EDIL3: variants seen among roughly 807,000 people sequenced by gnomAD.
EDIL3 encodes EGF like and discoidin domains 3.
In EDIL3, 37 loss-of-function variants were observed where a neutral mutation model predicts 67.4. The observed-to-expected ratio is 0.55, with a 90% CI of 0.42 to 0.72. The LOEUF is 0.72. Among genes scored for constraint, EDIL3 ranks in the 30% least tolerant of loss-of-function variants. The probability of loss-of-function intolerance (pLI) is 0.00; values close to 1 mark genes in which losing one functional copy is unlikely to be tolerated. For synonymous variants in EDIL3, 195 were observed against 196.3 expected (o/e 0.99, Z 0.05); for missense variants, 527 against 586.3 (o/e 0.90, Z 1.04).
chr5:84,064,837 C>G lies in EDIL3; in HGVS notation c.815G>C (p.Arg272Pro), dbSNP rs368525977. The G allele has an allele frequency of 6.2e-7, 1 of 1,608,650 alleles. No homozygotes were observed. The highest frequency in any genetic ancestry group is 1.7e-5 in the Admixed American group (1 of 59,042). ...TGGAGTGTTGTTATCAATGTTTCCACGAAACACCTGTGTAAAAACAGTTTA... is the reference window on the plus strand; with the variant it reads ...TGGAGTGTTGTTATCAATGTTTCCAGGAAACACCTGTGTAAAAACAGTTTA... Reference protein sequence around the residue: ...VKGTNEDMVFRGNIDNNTPYA... With the variant: ...VKGTNEDMVFPGNIDNNTPYA... The change falls in exon 8 of 11, where the codon CGT becomes CCT. Residue 272 changes from arginine to proline, a missense_variant. Around this residue, in one of 2 missense-constraint regions of EDIL3, gnomAD observed 494 missense variants for 522.5 expected, o/e 0.95. Transcript: ENST00000296591.
At chr5:84,299,765 TA>T (rs1746121083) in intron 1 of EDIL3, among the ~76,000 whole-genome samples, 2 of 152,204 alleles carry the variant, frequency 1.3e-5, no homozygotes, top group Admixed American at 6.5e-5. Context: ...TATGTATGTA[TA>T]ACCTCTATTT....
chr5:83,998,113 G>A (rs149586994), intron 9 of EDIL3, among the ~76,000 whole-genome samples: 24 of 152,294 alleles, frequency 1.6e-4, no homozygotes, highest in African/African-American at 3.6e-4. Flanking sequence ...CTGGGAGCCC[G>A]TGGATATGGG....
chr5:84,250,068 C>T (rs989061686), intron 2 of EDIL3, among the ~76,000 whole-genome samples: 5 of 152,200 alleles, frequency 3.3e-5, no homozygotes, highest in African/African-American at 1.2e-4. Context: ...TGCGGCTTAG[C>T]CACATGGTGG....
chr5:84,319,526 A>AAAAAAAAAT (rs1746588531), intron 1 of EDIL3, among the ~76,000 whole-genome samples: 1 of 92,120 alleles, frequency 1.1e-5, no homozygotes, highest in Non-Finnish European at 2.4e-5. Flanking sequence ...AAAAAAAAGA[A>AAAAAAAAAT]ATAGGAATGC....
At chr5:84,003,049 C>T (rs1461105341) in intron 9 of EDIL3, among the ~76,000 whole-genome samples, 2 of 152,160 alleles carry the variant, frequency 1.3e-5, no homozygotes, top group Non-Finnish European at 2.9e-5. Flanking sequence ...TAGTGCTACC[C>T]ATCTTGGCTG....
At chr5:84,372,937 G>A (rs553424990) in intron 1 of EDIL3, among the ~76,000 whole-genome samples, 1 of 152,096 alleles carries the variant, frequency 6.6e-6, no homozygotes, top group Non-Finnish European at 1.5e-5. Flanking sequence ...TTATATATCT[G>A]CATTCTGCTT....
At chr5:83,992,460 C>A (rs922029888) in intron 9 of EDIL3, among the ~76,000 whole-genome samples, 1 of 152,110 alleles carries the variant, frequency 6.6e-6, no homozygotes, top group Admixed American at 6.5e-5. Flanking sequence ...ACTACAATTA[C>A]GTCAATGAAT....
intron 1 of EDIL3, among the ~76,000 whole-genome samples, chr5:84,319,527 ATAG>A (rs1746588708): frequency 9.6e-6 from 1 of 103,700 alleles, no homozygotes; most frequent in African/African-American, 3.4e-5. Flanking sequence ...AAAAAAAGAA[ATAG>A]GAATGCTTTT....
At chr5:84,161,417 G>C (rs1038850032) in intron 4 of EDIL3, among the ~76,000 whole-genome samples, 6 of 152,038 alleles carry the variant, frequency 3.9e-5, no homozygotes, top group Admixed American at 1.3e-4. Context: ...GTAAGATAAA[G>C]ATTCACCCCA....
chr5:84,316,409 G>A (rs1390144765), intron 1 of EDIL3, among the ~76,000 whole-genome samples: 2 of 152,124 alleles, frequency 1.3e-5, no homozygotes, highest in African/African-American at 4.8e-5. Flanking sequence ...TTAAGGGATG[G>A]AGGAAGATCT....
At chr5:84,313,404 G>C (rs984533028) in intron 1 of EDIL3, among the ~76,000 whole-genome samples, 3 of 152,160 alleles carry the variant, frequency 2.0e-5, no homozygotes, top group Non-Finnish European at 4.4e-5. Context: ...GCTTTGCTGA[G>C]AATCTGGGTC....
chr5:84,077,503 G>A (rs1208730232), intron 6 of EDIL3, among the ~76,000 whole-genome samples: 1 of 152,168 alleles, frequency 6.6e-6, no homozygotes, highest in Non-Finnish European at 1.5e-5. Flanking sequence ...GAAGGCGAAG[G>A]AGGGGCAAAG....
At chr5:84,291,228 T>G (rs1745906056) in intron 1 of EDIL3, among the ~76,000 whole-genome samples, 1 of 152,150 alleles carries the variant, frequency 6.6e-6, no homozygotes, top group African/African-American at 2.4e-5. Flanking sequence ...CCATTTCTCC[T>G]TACTAAATTG....
intron 1 of EDIL3, among the ~76,000 whole-genome samples, chr5:84,375,602 T>C (rs1747951870): frequency 6.6e-6 from 1 of 152,178 alleles, no homozygotes; most frequent in Non-Finnish European, 1.5e-5. Flanking sequence ...TACTACCTGA[T>C]GTATCTGAAA....
At chr5:84,099,948 T>C (rs148226537) in intron 6 of EDIL3, among the ~76,000 whole-genome samples, 12 of 152,016 alleles carry the variant, frequency 7.9e-5, no homozygotes, top group African/African-American at 2.7e-4. Context: ...AAGAAGACAT[T>C]TGTGCAGCCA....
chr5:84,056,173 G>T (rs1028988156), intron 9 of EDIL3, among the ~76,000 whole-genome samples: 1 of 152,204 alleles, frequency 6.6e-6, no homozygotes, highest in East Asian at 1.9e-4. Flanking sequence ...TCCTTTGTAG[G>T]GACATGGATG....
In EDIL3 at chr5:84,294,384, C is replaced by CAA. The variant is rs1173407354; in HGVS notation, c.68-40174_68-40173dup. 8.2e-3 allele frequency among the ~76,000 whole-genome samples: 260 copies of CAA among 31,696 alleles called. 10 individuals carry two copies. Among genetic ancestry groups the CAA allele is most frequent in the African/African-American group, 0.02 (217 of 10,780 alleles). 20.8% of individuals were successfully genotyped at this position (31,696 alleles called of 152,430 possible). A position where few individuals can be genotyped will look rare whatever the true frequency, so the allele number is the denominator to read the frequency against. On this transcript the variant is annotated intron_variant, in intron 1 of 10. Transcript: ENST00000296591. ...TGGGTGACAGAGCGAGACTCTGTCT[C>CAA]AAAAAAAAAAAAAAAAAAAAAAAAA... is the stretch of plus-strand genomic sequence containing the variant.
rs577472621 is a variant in EDIL3 at position 84,197,778 on chromosome 5, A to G, written c.227-17257T>C. Among the ~76,000 whole-genome samples, 3 of 152,240 alleles carry G rather than the reference A, an allele frequency of 2.0e-5. No homozygotes were observed. The South Asian group carries it at 6.2e-4, about 32-fold the overall frequency. On this transcript the variant is annotated intron_variant, in intron 3 of 10. Transcript: ENST00000296591. ...AGGGGAAGTGGCAGGCGAGAAAGCC[A>G]GAAAGATTTGCATAGCCTGATTATA...
intron 1 of EDIL3, among the ~76,000 whole-genome samples, chr5:84,306,821 C>T (rs1444966214): frequency 1.3e-5 from 2 of 152,174 alleles, no homozygotes; most frequent in Non-Finnish European, 2.9e-5. Flanking sequence ...GGTGATTATG[C>T]TTGTGCACTG....
Sources: gnomAD v4.1 joint callset for allele counts (sites outside exome capture counted in the v4.1 genomes callset) on GRCh38, gnomAD v4.1.1 for gene constraint, gnomAD v4.1.1 regional missense constraint, MANE v1.5 for transcripts, NCBI Gene and HGNC (gene_info 2026-07-23, HGNC 2026-07-21) for gene names.